ANKIB1: variants seen among roughly 807,000 people sequenced by gnomAD.
ANKIB1 encodes the protein ankyrin repeat and IBR domain-containing protein 1.
Under a neutral mutation model 122.1 loss-of-function variants are expected in ANKIB1, and 43 were observed. That is an observed-to-expected ratio of 0.35 (90% CI 0.28 to 0.45). The LOEUF (loss-of-function observed/expected upper bound fraction) is 0.45, where lower values mean the gene tolerates loss of function less well. Among genes scored for constraint, ANKIB1 ranks in the 20% least tolerant of loss-of-function variants. The pLI is 1.00. For missense variants in ANKIB1, 992 were observed against 1,329.5 expected, an observed-to-expected ratio of 0.75 and a Z score of 3.95; for synonymous variants, 390 against 442.0, an observed-to-expected ratio of 0.88 and a Z score of 1.48.
intron 1 of ANKIB1, among the ~76,000 whole-genome samples, chr7:92,254,161 T>A (rs1801388332): frequency 6.6e-6 from 1 of 152,148 alleles, no homozygotes; most frequent in African/African-American, 2.4e-5. Flanking sequence ...GCTGACCCTT[T>A]AGCTGAACGC....
At chr7:92,290,791 C>G (rs1319772126) in intron 1 of ANKIB1, among the ~76,000 whole-genome samples, 1 of 151,990 alleles carries the variant, frequency 6.6e-6, no homozygotes, top group Non-Finnish European at 1.5e-5. Flanking sequence ...TAGAATTATA[C>G]ACTTATTTGT....
chr7:92,391,305 G>C lies in ANKIB1; in HGVS notation c.2192G>C (p.Gly731Ala), dbSNP rs1804781121. The change falls in exon 16 of 20, where the codon GGA (glycine) becomes GCA (alanine). Residue 731 changes from glycine (G) to alanine (A), a missense_variant. Around this residue, in one of 4 missense-constraint regions of ANKIB1, gnomAD observed 521 missense variants for 777.7 expected, o/e 0.67. Transcript: ENST00000265742. ...GAATTCCTGGCATCTGTGGCTCGGG[G>C]AGTAGCTCCTGCAGACTCACCAGAA... The part of the protein sequence containing the change: ...RQEFLASVAR[G>A]VAPADSPEAP... The C allele has an allele frequency of 6.2e-7, 1 of 1,613,188 alleles. No individual in the cohort carries two copies. Among genetic ancestry groups the C allele is most frequent in the African/African-American group, 1.3e-5 (1 of 74,872 alleles).
chr7:92,261,165 C>T (rs1489546151), intron 1 of ANKIB1, among the ~76,000 whole-genome samples: 1 of 151,544 alleles, frequency 6.6e-6, no homozygotes. Context: ...CTGGCTAACA[C>T]GGTGAAACCC....
At chr7:92,321,793 A>G (rs1802918558) in intron 4 of ANKIB1, among the ~76,000 whole-genome samples, 1 of 152,186 alleles carries the variant, frequency 6.6e-6, no homozygotes, top group Non-Finnish European at 1.5e-5. Context: ...TTGGGATTAA[A>G]ATTTACTTTT....
At chr7:92,274,536 T>C (rs1474292373) in intron 1 of ANKIB1, among the ~76,000 whole-genome samples, 1 of 152,188 alleles carries the variant, frequency 6.6e-6, no homozygotes, top group East Asian at 1.9e-4. Flanking sequence ...TACATACTTT[T>C]GTAAATCTAG....
In ANKIB1 at chr7:92,284,964, G is replaced by A. The variant is rs181665854; in HGVS notation, c.-90-9925G>A. The stretch of plus-strand genomic sequence containing the variant: ...AGCCAAATTTAGGATAAGCTTTTTA[G>A]GTATCTAGCGTAGAAGGTAATTATT... On this transcript the variant is annotated intron_variant, in intron 1 of 19. Transcript: ENST00000265742. 3.1e-3 allele frequency among the ~76,000 whole-genome samples: 467 copies of A among 152,294 alleles called. 2 individuals carry two copies. Among genetic ancestry groups the A allele is most frequent in the South Asian group, 8.1e-3 (39 of 4,830 alleles).
chr7:92,293,144 GTGGTGTCTGCACAT>G (rs1414279574), intron 1 of ANKIB1, among the ~76,000 whole-genome samples: 1 of 152,138 alleles, frequency 6.6e-6, no homozygotes, highest in Non-Finnish European at 1.5e-5. Context: ...CTTTTATACA[GTGGTGTCTGCACAT>G]TGAAAATCAC....
intron 1 of ANKIB1, among the ~76,000 whole-genome samples, chr7:92,281,932 C>A (rs1802018659): frequency 6.6e-6 from 1 of 152,024 alleles, no homozygotes; most frequent in Non-Finnish European, 1.5e-5. Context: ...GAAATCAGTT[C>A]CCCAAAGTGT....
intron 1 of ANKIB1, among the ~76,000 whole-genome samples, chr7:92,285,228 T>C (rs1056006087): frequency 6.6e-6 from 1 of 152,172 alleles, no homozygotes; most frequent in African/African-American, 2.4e-5. Flanking sequence ...TTGGCCAGGC[T>C]GATCTCGAAC....
intron 1 of ANKIB1, among the ~76,000 whole-genome samples, chr7:92,290,982 C>T (rs1283807559): frequency 1.3e-5 from 2 of 152,040 alleles, no homozygotes; most frequent in Non-Finnish European, 2.9e-5. Flanking sequence ...ATTTATTGTA[C>T]ATTTTAAAAT....
rs375036574 is a variant in ANKIB1, at chr7:92,342,886, A to G, written c.788-138A>G. ...ATAACAAGAACATACCTAGACATTC[A>G]TTTGCAGTTACTACTTTTATATACT... On this transcript the variant is annotated intron_variant, in intron 5 of 19. Coordinates refer to ENST00000265742, the MANE Select transcript of ANKIB1 (RefSeq NM_019004.2). 16 of 682,308 alleles carry G rather than the reference A, an allele frequency of 2.3e-5. 1 individual carries two copies. The highest frequency in any genetic ancestry group is 1.6e-4 in the African/African-American group (9 of 55,590). 42.3% of individuals were successfully genotyped at this position (682,308 alleles called of 1,614,324 possible).
At chr7:92,301,269 A>G (rs2131927573) in intron 2 of ANKIB1, among the ~76,000 whole-genome samples, 1 of 152,030 alleles carries the variant, frequency 6.6e-6, no homozygotes, top group Admixed American at 6.5e-5. Flanking sequence ...CAACTTCTGT[A>G]CTGTTTTCCA....
intron 1 of ANKIB1, among the ~76,000 whole-genome samples, chr7:92,259,164 C>T (rs1194363738): frequency 6.6e-6 from 1 of 152,100 alleles, no homozygotes; most frequent in Non-Finnish European, 1.5e-5. Flanking sequence ...CCATGTTGCC[C>T]AGGCTGGTCT....
At chr7:92,294,677 G>A (rs1045505483) in intron 1 of ANKIB1, among the ~76,000 whole-genome samples, 3 of 152,146 alleles carry the variant, frequency 2.0e-5, no homozygotes, top group African/African-American at 7.2e-5. Context: ...CAGTCTCTGT[G>A]TGGGAAAGTG....
At chr7:92,309,648 C>T (rs981304162) in intron 3 of ANKIB1, among the ~76,000 whole-genome samples, 2 of 150,974 alleles carry the variant, frequency 1.3e-5, no homozygotes, top group East Asian at 2.0e-4. Context: ...TTAAATAGGC[C>T]GGGCACGGTG....
intron 11 of ANKIB1, among the ~76,000 whole-genome samples, chr7:92,372,094 A>G (rs192039677): frequency 2.0e-5 from 3 of 151,992 alleles, no homozygotes; most frequent in Admixed American, 2.0e-4. Context: ...CTCAAGGCCC[A>G]AACTAGGCCC....
At chr7:92,343,358 A>G in intron 6 of ANKIB1, 126 bp downstream of exon 6, 1 of 802,974 alleles carries the variant, frequency 1.2e-6, no homozygotes, top group Non-Finnish European at 2.0e-6. Context: ...CCCTTTCTTG[A>G]AAGGTTCGGT....
chr7:92,364,211 G>A (rs1019572230), intron 10 of ANKIB1, among the ~76,000 whole-genome samples: 1 of 150,420 alleles, frequency 6.6e-6, no homozygotes, highest in African/African-American at 2.4e-5. Flanking sequence ...TACTCAGGAG[G>A]CTAAGGCAGG....
intron 7 of ANKIB1, among the ~76,000 whole-genome samples, chr7:92,347,160 C>G (rs1177996687): frequency 6.6e-6 from 1 of 152,204 alleles, no homozygotes. Flanking sequence ...TTTATTAGTA[C>G]AGCTAGATGC....
Sources: gnomAD v4.1 joint callset for allele counts (sites outside exome capture counted in the v4.1 genomes callset) on GRCh38, gnomAD v4.1.1 for gene constraint, gnomAD v4.1.1 regional missense constraint, MANE v1.5 for transcripts, NCBI Gene and HGNC (gene_info 2026-07-23, HGNC 2026-07-21) for gene names.